HSDL2: variants seen among roughly 807,000 people sequenced by gnomAD.
HSDL2 encodes hydroxysteroid dehydrogenase like 2, also known as hydroxysteroid dehydrogenase-like protein 2.
A neutral mutation model predicts 46.3 loss-of-function variants in HSDL2; 27 were observed. The observed-to-expected ratio is 0.58, with a 90% CI of 0.43 to 0.80. The LOEUF (loss-of-function observed/expected upper bound fraction) is 0.80. Among genes scored for constraint, HSDL2 ranks in the 30% least tolerant of loss-of-function variants. The pLI is 0.00. For synonymous variants in HSDL2, 153 were observed against 163.6 expected, an observed-to-expected ratio of 0.94 and a Z score of 0.50; for missense variants, 451 against 502.7, an observed-to-expected ratio of 0.90 and a Z score of 0.98.
In HSDL2 at chr9:112,405,608, G is replaced by T. The variant is rs1296202259; in HGVS notation, c.182-16G>T. On this transcript the variant is annotated splice_polypyrimidine_tract_variant and intron_variant, in intron 2 of 10. Transcript: ENST00000398805. The stretch of plus-strand genomic sequence containing the variant: ...AAATGCTTTAACGCTTTTTCATTTT[G>T]TATCCTTTATATAAGTTGAAGCAGT... 1.3e-6 allele frequency: 2 copies of T among 1,544,758 alleles called. No homozygotes were observed. Among genetic ancestry groups the T allele is most frequent in the Admixed American group, 1.9e-5 (1 of 53,522 alleles).
chr9:112,385,528 C>T (rs1322299145), intron 1 of HSDL2, among the ~76,000 whole-genome samples: 1 of 150,152 alleles, frequency 6.7e-6, no homozygotes, highest in Non-Finnish European at 1.5e-5. Flanking sequence ...CTTGCACTGT[C>T]GCCCAGGCTG....
chr9:112,432,190 T>G (rs967697748), intron 6 of HSDL2, among the ~76,000 whole-genome samples: 1 of 152,046 alleles, frequency 6.6e-6, no homozygotes, highest in African/African-American at 2.4e-5. Flanking sequence ...CCTAGGTATT[T>G]CTTTATAGTA....
intron 10 of HSDL2, among the ~76,000 whole-genome samples, chr9:112,464,343 A>G (rs1587972994): frequency 6.6e-6 from 1 of 152,156 alleles, no homozygotes; most frequent in East Asian, 1.9e-4. Flanking sequence ...TGATTTGCAA[A>G]TATTTTCTCC....
At chr9:112,459,191 C>G (rs552422982) in intron 9 of HSDL2, among the ~76,000 whole-genome samples, 4 of 152,242 alleles carry the variant, frequency 2.6e-5, no homozygotes, top group East Asian at 1.9e-4. Context: ...TATCTTGATT[C>G]CTTAATGTGC....
At position 112,470,517 on chromosome 9, in the gene HSDL2, A is replaced by C; in HGVS notation, c.1230A>C (p.Leu410=). The C allele has an allele frequency of 3.1e-6, 5 of 1,607,550 alleles. No homozygotes were observed. Among genetic ancestry groups the C allele is most frequent in the Non-Finnish European group, 4.3e-6 (5 of 1,174,670 alleles). ...NMALAIKLEK[L]MNQMNARL The stretch of plus-strand genomic sequence containing the variant: ...CCCTAGCAATCAAATTGGAGAAGCT[A>C]ATGAATCAGATGAATGCCAGACTGT... The change falls in exon 11 of 11, where the codon CTA becomes CTC. Residue 410 remains leucine, a synonymous_variant. Coordinates refer to ENST00000398805, the MANE Select transcript of HSDL2 (RefSeq NM_032303.5).
intron 8 of HSDL2, among the ~76,000 whole-genome samples, chr9:112,444,704 C>T (rs545400051): frequency 6.6e-6 from 1 of 152,182 alleles, no homozygotes; most frequent in East Asian, 1.9e-4. Context: ...AGCCATTAAA[C>T]TCCAGCCTGG....
In HSDL2 at chr9:112,417,463, C is replaced by T. The variant is rs999481644; in HGVS notation, c.499+519C>T. 1.2e-4 allele frequency among the ~76,000 whole-genome samples: 16 copies of T among 135,042 alleles called. No individual in the cohort carries two copies. The East Asian group carries it at 1.3e-3, about 11-fold the overall frequency. The allele number at this position is 135,042 out of a possible 152,430, so 88.6% of individuals were successfully genotyped here. On this transcript the variant is annotated intron_variant, in intron 5 of 10. Transcript: ENST00000398805. The stretch of plus-strand genomic sequence containing the variant: ...CTGCACTCCTGCCTGGGTGACAGAG[C>T]GAGACCCTGACTCTAAAAAAAAAAA...
At position 112,404,095 on chromosome 9, in the gene HSDL2, G is replaced by A. The variant is rs572218042; in HGVS notation, c.118G>A (p.Ala40Thr). The A allele has an allele frequency of 6.2e-7, 1 of 1,614,150 alleles. No homozygotes were observed. The highest frequency in any genetic ancestry group is 1.1e-5 in the South Asian group (1 of 91,080). ...AAKDGANIVI[A>T]AKTAQPHPKL... ...AAAGGATGGAGCAAATATTGTTATT[G>A]CTGCAAAGACCGCCCAGCCACATCC... The change falls in exon 2 of 11, where the codon GCT becomes ACT. Residue 40 changes from alanine to threonine, a missense_variant. By Grantham distance (58) the Ala-to-Thr change is moderately conservative. Coordinates refer to ENST00000398805, the MANE Select transcript of HSDL2 (RefSeq NM_032303.5).
At chr9:112,470,390 G>A (rs373887980) in intron 10 of HSDL2, 42 bp from the exon 11 acceptor site, 35 of 1,167,160 alleles carry the variant, frequency 3.0e-5, no homozygotes, top group Non-Finnish European at 4.0e-5. Context: ...ATCCCTAAGG[G>A]CACTAATGGT....
intron 6 of HSDL2, among the ~76,000 whole-genome samples, chr9:112,419,172 C>T (rs890701387): frequency 1.2e-4 from 2 of 17,234 alleles, no homozygotes; most frequent in African/African-American, 1.5e-3. Flanking sequence ...CCATGCCTGG[C>T]TAATTTTTGT....
intron 1 of HSDL2, among the ~76,000 whole-genome samples, chr9:112,386,787 T>C (rs1831227642): frequency 6.6e-6 from 1 of 152,086 alleles, no homozygotes; most frequent in Non-Finnish European, 1.5e-5. Context: ...TCTCAAAAAA[T>C]AATAGTAAGT....
chr9:112,407,545 A>C (rs976605137), intron 3 of HSDL2, among the ~76,000 whole-genome samples: 1 of 152,002 alleles, frequency 6.6e-6, no homozygotes, highest in Non-Finnish European at 1.5e-5. Context: ...GCCTCCCAAG[A>C]AGCTGGGACT....
At chr9:112,453,969 C>G (rs764472790) in intron 8 of HSDL2, 44 bp from the exon 9 acceptor site, 6 of 1,581,582 alleles carry the variant, frequency 3.8e-6, no homozygotes, top group Non-Finnish European at 5.2e-6. Flanking sequence ...TGGGGTCCTT[C>G]ACTGCCAAGC....
intron 1 of HSDL2, among the ~76,000 whole-genome samples, chr9:112,380,467 C>T (rs1055866032): frequency 2.0e-5 from 3 of 152,162 alleles, no homozygotes; most frequent in African/African-American, 7.2e-5. Flanking sequence ...AGTGCCGGCC[C>T]TCCCTGAGTT....
chr9:112,399,756 C>T (rs1283628288), intron 1 of HSDL2, among the ~76,000 whole-genome samples: 3 of 152,190 alleles, frequency 2.0e-5, no homozygotes, highest in African/African-American at 7.2e-5. Flanking sequence ...AAATATGGCT[C>T]TTTTTGCCCG....
At chr9:112,395,134 C>G (rs543036338) in intron 1 of HSDL2, among the ~76,000 whole-genome samples, 3 of 151,932 alleles carry the variant, frequency 2.0e-5, no homozygotes, top group Non-Finnish European at 2.9e-5. Flanking sequence ...TTTTTAGGTT[C>G]GTAAGGAGAA....
chr9:112,455,266 G>C (rs778255952), intron 9 of HSDL2, among the ~76,000 whole-genome samples: 6 of 150,202 alleles, frequency 4.0e-5, no homozygotes, highest in Non-Finnish European at 5.9e-5. Flanking sequence ...TTAAGAAACA[G>C]ATAAAATTCG....
intron 5 of HSDL2, among the ~76,000 whole-genome samples, chr9:112,417,477 TAA>T (rs71491043): frequency 1.9e-3 from 213 of 111,086 alleles, no homozygotes; most frequent in South Asian, 3.9e-3. Flanking sequence ...ACCCTGACTC[TAA>T]AAAAAAAAAA....
intron 10 of HSDL2, among the ~76,000 whole-genome samples, chr9:112,465,085 C>T (rs1462950197): frequency 1.3e-5 from 2 of 152,102 alleles, no homozygotes; most frequent in Non-Finnish European, 2.9e-5. Context: ...TATTTCATAA[C>T]CTTTTAAAAA....
Sources: gnomAD v4.1 joint callset for allele counts (sites outside exome capture counted in the v4.1 genomes callset) on GRCh38, gnomAD v4.1.1 for gene constraint, MANE v1.5 for transcripts, NCBI Gene and HGNC (gene_info 2026-07-23, HGNC 2026-07-21) for gene names.